The following RNF32 variants were observed in gnomAD, a reference collection of about 807,000 sequenced individuals.
RNF32 encodes ring finger protein 32.
Under a neutral mutation model 41.0 loss-of-function variants are expected in RNF32, and 36 were observed. The ratio of observed to expected loss-of-function variants is 0.88; its 90% CI spans 0.67 to 1.16. The LOEUF is 1.16. Among genes scored for constraint, RNF32 ranks in the 50% most tolerant of loss-of-function variants. The probability of loss-of-function intolerance (pLI) is 0.00; values close to 1 mark genes in which losing one functional copy is unlikely to be tolerated. For missense variants in RNF32, 413 were observed against 436.7 expected (o/e 0.95, Z 0.48); for synonymous variants, 154 against 160.9 (o/e 0.96, Z 0.32).
upstream of RNF32, chr7:156,640,373 C>A: frequency 2.3e-6 from 1 of 442,458 alleles, no homozygotes; most frequent in Non-Finnish European, 4.5e-6. Context: ...GCCCACAAAG[C>A]CGCCGGGGGC....
At chr7:156,648,655 G>A (rs1017704018) in intron 3 of RNF32, among the ~76,000 whole-genome samples, 2 of 152,152 alleles carry the variant, frequency 1.3e-5, no homozygotes, top group African/African-American at 4.8e-5. Flanking sequence ...TGAACCATAT[G>A]CTCTTTACTG....
upstream of RNF32, chr7:156,640,657 G>C: frequency 2.8e-6 from 1 of 352,980 alleles, no homozygotes; most frequent in Middle Eastern, 6.4e-4. Context: ...GCGAGCATGC[G>C]CAGTATGGGG....
Position 156,669,747 on chromosome 7 carries a change from T to C in RNF32, c.685-5949T>C, listed in dbSNP as rs1299117462. ...TGGGACTCCCAGGGAGAAGGGGCCATGGCTGGGCCCCTCCAGCACAGGCGC... is the reference window on the plus strand; with the variant it reads ...TGGGACTCCCAGGGAGAAGGGGCCACGGCTGGGCCCCTCCAGCACAGGCGC... On this transcript the variant is annotated intron_variant, in intron 7 of 8. Transcript: ENST00000317955. This position sits in a 1 kb window ranked among gnomAD's most constrained non-coding sequence, Gnocchi z 4.2. Among the ~76,000 whole-genome samples the C allele has an allele frequency of 6.6e-6, 1 of 152,160 alleles. No individual in the cohort carries two copies. Among genetic ancestry groups the C allele is most frequent in the African/African-American group, 2.4e-5 (1 of 41,454 alleles).
chr7:156,676,577 C>A lies in RNF32; in HGVS notation c.1011C>A (p.Phe337Leu). ...HHACLLALEE[F>L]SVGDRPPFHA... ...CGTGTCTGCTGGCACTAGAGGAGTTCTCCGTGGGAGACAGGCCTCCTTTCC... is the reference window on the plus strand; with the variant it reads ...CGTGTCTGCTGGCACTAGAGGAGTTATCCGTGGGAGACAGGCCTCCTTTCC... The change falls in exon 9 of 9, where the codon TTC (phenylalanine) becomes TTA (leucine). Residue 337 changes from phenylalanine to leucine, a missense_variant. Physicochemically the swap from Phe to Leu is conservative, Grantham distance 22. Coordinates refer to ENST00000317955, the MANE Select transcript of RNF32 (RefSeq NM_030936.4). The A allele has an allele frequency of 6.2e-7, 1 of 1,614,234 alleles. No individual in the cohort carries two copies. The highest frequency in any genetic ancestry group is 8.5e-7 in the Non-Finnish European group (1 of 1,180,038).
chr7:156,664,321 C>G (rs10259532), intron 7 of RNF32, among the ~76,000 whole-genome samples: 57,340 of 151,926 alleles, frequency 0.38, 11,401 homozygotes, highest in African/African-American at 0.5. Flanking sequence ...ATTAGCCGGG[C>G]GTGGTGGCGC....
chr7:156,648,949 AT>A (rs1303157187), intron 3 of RNF32, among the ~76,000 whole-genome samples: 1 of 151,818 alleles, frequency 6.6e-6, no homozygotes, highest in Non-Finnish European at 1.5e-5. Flanking sequence ...ATTTTCCTAC[AT>A]TTTCTTTATT....
chr7:156,646,588 T>G (rs1797995889), intron 3 of RNF32: 5 of 1,015,206 alleles, frequency 4.9e-6, no homozygotes, highest in Non-Finnish European at 6.7e-6. Flanking sequence ...GATGACACAA[T>G]TCAACCCAGT....
At chr7:156,645,420 C>T (rs1797856257) in intron 3 of RNF32, among the ~76,000 whole-genome samples, 1 of 152,194 alleles carries the variant, frequency 6.6e-6, no homozygotes, top group Non-Finnish European at 1.5e-5. Context: ...ATGAGGAAAC[C>T]TCAGACCAGT....
chr7:156,655,284 A>G (rs996656521), intron 4 of RNF32, among the ~76,000 whole-genome samples: 9 of 151,184 alleles, frequency 6.0e-5, no homozygotes, highest in African/African-American at 2.2e-4. Flanking sequence ...GAGAATGCAT[A>G]TATATATATA....
chr7:156,645,480 A>G (rs1455943027), intron 3 of RNF32, among the ~76,000 whole-genome samples: 1 of 152,226 alleles, frequency 6.6e-6, no homozygotes, highest in African/African-American at 2.4e-5. Context: ...CTTCAAAAGT[A>G]TCAAGTCAAC....
At chr7:156,671,368 TATACAC>T (rs1802470136) in intron 7 of RNF32, among the ~76,000 whole-genome samples, 1 of 152,150 alleles carries the variant, frequency 6.6e-6, no homozygotes, top group Non-Finnish European at 1.5e-5. Context: ...TGTACTATAA[TATACAC>T]ATAAGCTCTT....
At chr7:156,672,710 T>A (rs1802818369) in intron 7 of RNF32, among the ~76,000 whole-genome samples, 1 of 152,204 alleles carries the variant, frequency 6.6e-6, no homozygotes, top group South Asian at 2.1e-4. Context: ...GTAACATAAA[T>A]GCATATAGAT....
chr7:156,644,803 A>C lies in RNF32; in HGVS notation c.274+46A>C, dbSNP rs777394501. 5 of 1,555,502 alleles carry C rather than the reference A, an allele frequency of 3.2e-6. No homozygotes were observed. The South Asian group carries it at 4.8e-5, about 15-fold the overall frequency. ...ATCTTTTGGCTTATTAGGGCTAAAA[A>C]AATCTATTGAGATTAATAGTATAAT... is the stretch of plus-strand genomic sequence containing the variant. On this transcript the variant is annotated intron_variant, in intron 3 of 8. Transcript: ENST00000317955.
At chr7:156,642,415 T>C (rs1448835213) in intron 1 of RNF32, among the ~76,000 whole-genome samples, 2 of 152,172 alleles carry the variant, frequency 1.3e-5, no homozygotes, top group East Asian at 3.9e-4. Context: ...GGAGGGGCTG[T>C]GTTAAAGATA....
chr7:156,673,875 C>CA (rs1323126850), intron 7 of RNF32, among the ~76,000 whole-genome samples: 1 of 150,468 alleles, frequency 6.6e-6, no homozygotes, highest in Non-Finnish European at 1.5e-5. Flanking sequence ...TTTAAATACA[C>CA]ACTACGTTCT....
chr7:156,659,667 T>C, intron 7 of RNF32: 1 of 924,104 alleles, frequency 1.1e-6, no homozygotes, highest in African/African-American at 1.8e-5. Flanking sequence ...ATAAGAACTC[T>C]TGAAGATAAA....
At chr7:156,659,826 C>A in intron 7 of RNF32, 1 of 817,604 alleles carries the variant, frequency 1.2e-6, no homozygotes, top group Non-Finnish European at 1.5e-6. Context: ...GTTCAGTGCT[C>A]AGGTGTTCAA....
At chr7:156,640,772 GC>G, upstream of RNF32, 1 of 260,866 alleles carries the variant, frequency 3.8e-6, no homozygotes, top group Non-Finnish European at 7.6e-6. Flanking sequence ...GGGAAAAGGG[GC>G]AGACGTCCCT....
rs375067282 is a variant in RNF32, at chr7:156,654,338, G to A, written c.275-238G>A. On this transcript the variant is annotated intron_variant, in intron 3 of 8. Coordinates refer to ENST00000317955, the MANE Select transcript of RNF32 (RefSeq NM_030936.4). ...CGAGATGACTGGCAGTATACAGGAG[G>A]ATATGCATGGGTTGTATGCAAATAC... is the stretch of plus-strand genomic sequence containing the variant. The A allele has an allele frequency of 1.4e-4, 57 of 404,076 alleles. 1 individual carries two copies. In the East Asian group the frequency reaches 1.6e-3, roughly 12 times the overall value. The allele number at this position is 404,076 out of a possible 1,614,324, so 25.0% of individuals were successfully genotyped here. A position where few individuals can be genotyped will look rare whatever the true frequency, so the allele number is the denominator to read the frequency against.
Sources: allele counts gnomAD v4.1 joint callset (sites outside exome capture counted in the v4.1 genomes callset), GRCh38; gene constraint gnomAD v4.1.1; non-coding constraint Gnocchi (gnomAD v3.1); transcripts MANE v1.5; gene names NCBI Gene and HGNC (gene_info 2026-07-23, HGNC 2026-07-21).